P3H2: variants seen among roughly 807,000 people sequenced by gnomAD.
P3H2 encodes the protein prolyl 3-hydroxylase 2.
P3H2 carries 80 observed loss-of-function variants against 87.0 expected under a neutral mutation model. The observed-to-expected ratio is 0.92, with a 90% CI of 0.77 to 1.11. The LOEUF is 1.11. Ranked by LOEUF, P3H2 falls within the 50% of genes least tolerant of loss-of-function variation. P3H2 has a pLI of 0.00. For synonymous variants in P3H2, 367 were observed against 359.3 expected (o/e 1.02, Z -0.24); for missense variants, 1,001 against 923.9 (o/e 1.08, Z -1.08).
intron 8 of P3H2, among the ~76,000 whole-genome samples, chr3:189,977,522 C>T (rs1475251273): frequency 3.3e-5 from 5 of 152,176 alleles, no homozygotes; most frequent in Admixed American, 3.3e-4. Flanking sequence ...TCTTACCCCA[C>T]AGAAACTATG....
At chr3:190,090,410 T>G (rs549327084) in intron 1 of P3H2, among the ~76,000 whole-genome samples, 2 of 152,252 alleles carry the variant, frequency 1.3e-5, no homozygotes, top group South Asian at 4.2e-4. Flanking sequence ...CAAAAAATAT[T>G]TACCACCTAT....
chr3:190,056,845 G>A (rs532036543), intron 1 of P3H2, among the ~76,000 whole-genome samples: 2 of 151,992 alleles, frequency 1.3e-5, no homozygotes, highest in South Asian at 2.1e-4. Flanking sequence ...CCTAGGGAAA[G>A]TCCTCAGATC....
intron 1 of P3H2, among the ~76,000 whole-genome samples, chr3:190,036,528 T>C (rs965435602): frequency 1.3e-5 from 2 of 152,126 alleles, no homozygotes; most frequent in African/African-American, 4.8e-5. Flanking sequence ...GATTATTATT[T>C]AAAATCTCCA....
chr3:189,990,537 G>C (rs1485021716), intron 3 of P3H2, among the ~76,000 whole-genome samples: 1 of 151,644 alleles, frequency 6.6e-6, no homozygotes, highest in Non-Finnish European at 1.5e-5. Context: ...AGCAAAATAG[G>C]AGTGACAGAA....
chr3:190,105,527 C>T (rs1390933356), intron 1 of P3H2, among the ~76,000 whole-genome samples: 3 of 152,048 alleles, frequency 2.0e-5, no homozygotes, highest in African/African-American at 7.2e-5. Context: ...TCTTAAATTA[C>T]CATTAAATTA....
At chr3:190,094,781 C>T (rs1252107320) in intron 1 of P3H2, among the ~76,000 whole-genome samples, 1 of 152,200 alleles carries the variant, frequency 6.6e-6, no homozygotes, top group Non-Finnish European at 1.5e-5. Context: ...TCTGTTCATC[C>T]TGTAAAGGAA....
intron 13 of P3H2, chr3:189,969,796 A>G: frequency 8.7e-6 from 14 of 1,608,458 alleles, no homozygotes; most frequent in Non-Finnish European, 9.4e-6. Context: ...AAATTTCTGG[A>G]TCATCCAGGC....
At chr3:190,005,786 A>T (rs972077662) in intron 1 of P3H2, among the ~76,000 whole-genome samples, 7 of 152,056 alleles carry the variant, frequency 4.6e-5, no homozygotes, top group Non-Finnish European at 8.8e-5. Flanking sequence ...TATTCCAAAG[A>T]CCCCTCCTGG....
intron 1 of P3H2, among the ~76,000 whole-genome samples, chr3:190,063,160 T>C (rs1012167475): frequency 6.6e-6 from 1 of 152,158 alleles, no homozygotes; most frequent in Non-Finnish European, 1.5e-5. Context: ...TCATAATCTA[T>C]GAAAATGGTG....
In P3H2 at chr3:190,114,476, A is replaced by G. The variant is rs549084215; in HGVS notation, c.480+5776T>C. Among the ~76,000 whole-genome samples, 31 of 152,206 alleles carry G rather than the reference A, an allele frequency of 2.0e-4. 1 individual carries two copies. The South Asian group carries it at 5.8e-3, about 29-fold the overall frequency. On this transcript the variant is annotated intron_variant, in intron 1 of 14. Coordinates refer to ENST00000319332, the MANE Select transcript of P3H2 (RefSeq NM_018192.4). ...GCTGGGATTACAGGCTTGAACCACC[A>G]TGCCCAGCCTCATCTAATTAAATTT...
intron 1 of P3H2, among the ~76,000 whole-genome samples, chr3:190,082,969 T>C (rs1727092992): frequency 6.6e-6 from 1 of 152,200 alleles, no homozygotes; most frequent in African/African-American, 2.4e-5. Flanking sequence ...AGGAACATAA[T>C]ACTCCAAGAT....
intron 1 of P3H2, among the ~76,000 whole-genome samples, chr3:190,032,497 A>G (rs1447948): frequency 0.8 from 122,328 of 152,076 alleles, 49,260 homozygotes; most frequent in East Asian, 0.86. Context: ...AAGGATGAGA[A>G]AGAGGAAAAG....
chr3:190,000,101 A>C (rs1450695178), intron 1 of P3H2, among the ~76,000 whole-genome samples: 1 of 152,258 alleles, frequency 6.6e-6, no homozygotes, highest in African/African-American at 2.4e-5. Context: ...TCCAGTAGTC[A>C]TCCATTGACT....
Position 189,957,496 on chromosome 3 carries a change from A to G in P3H2, c.*416T>C, listed in dbSNP as rs1482687090. 2 of 382,344 alleles carry G rather than the reference A, an allele frequency of 5.2e-6. No homozygotes were observed. Among genetic ancestry groups the G allele is most frequent in the Non-Finnish European group, 9.2e-6 (2 of 216,750 alleles). 23.7% of individuals were successfully genotyped at this position (382,344 alleles called of 1,614,324 possible). A position where few individuals can be genotyped will look rare whatever the true frequency, so the allele number is the denominator to read the frequency against. On this transcript the variant is annotated 3_prime_UTR_variant, in exon 15 of 15. Coordinates refer to ENST00000319332, the MANE Select transcript of P3H2 (RefSeq NM_018192.4). ...GTGTGTGTGTTTGGGGGAGGAGGTG[A>G]ACTGGGCTTTGATAGATACATGAAA...
intron 4 of P3H2, among the ~76,000 whole-genome samples, chr3:189,988,597 G>A (rs1723779753): frequency 6.6e-6 from 1 of 152,072 alleles, no homozygotes; most frequent in Admixed American, 6.5e-5. Flanking sequence ...TTTGTTTTTG[G>A]AAAGGAAGAG....
At chr3:189,998,221 T>C (rs1236157674) in intron 1 of P3H2, among the ~76,000 whole-genome samples, 1 of 152,036 alleles carries the variant, frequency 6.6e-6, no homozygotes, top group Non-Finnish European at 1.5e-5. Flanking sequence ...TTGGTGAAAA[T>C]TTTCTCTGGG....
intron 1 of P3H2, among the ~76,000 whole-genome samples, chr3:190,107,915 A>AT (rs974433330): frequency 2.6e-4 from 40 of 151,842 alleles, no homozygotes; most frequent in African/African-American, 9.7e-4. Flanking sequence ...TTCCAATAGT[A>AT]TTTTTTGTTT....
At chr3:190,075,131 A>G (rs1560389879) in intron 1 of P3H2, among the ~76,000 whole-genome samples, 1 of 152,242 alleles carries the variant, frequency 6.6e-6, no homozygotes, top group Non-Finnish European at 1.5e-5. Context: ...CAAGGAGTTC[A>G]TAGTCTAGTA....
intron 1 of P3H2, among the ~76,000 whole-genome samples, chr3:190,023,617 G>A (rs1724999218): frequency 1.3e-5 from 2 of 152,176 alleles, no homozygotes; most frequent in South Asian, 4.1e-4. Context: ...TCTCTCCCTT[G>A]ACATGGGCGG....
Sources: allele counts gnomAD v4.1 joint callset (sites outside exome capture counted in the v4.1 genomes callset), GRCh38; gene constraint gnomAD v4.1.1; transcripts MANE v1.5; gene names NCBI Gene and HGNC (gene_info 2026-07-23, HGNC 2026-07-21).